Variants in WDR17 observed in about 807,000 individuals in gnomAD.
The protein encoded by WDR17 is WD repeat-containing protein 17.
In WDR17, 143 loss-of-function variants were observed where a neutral mutation model predicts 161.7. That is an observed-to-expected ratio of 0.88 (90% CI 0.77 to 1.02). The LOEUF is 1.02. Among genes scored for constraint, WDR17 ranks in the 50% least tolerant of loss-of-function variants. The pLI is 0.00. For synonymous variants in WDR17, 517 were observed against 515.6 expected (o/e 1.00, Z -0.04); for missense variants, 1,469 against 1,520.9 (o/e 0.97, Z 0.57).
rs1014735118 is a variant in WDR17 at position 176,156,888 on chromosome 4, C to T, written c.2525+745C>T. On this transcript the variant is annotated intron_variant, in intron 18 of 28. Transcript: ENST00000508596. ...CTTGTGGCTTTTTGACACGTCACTC[C>T]AGTCTCTCCTTTATCTGCACATGGC... Among the ~76,000 whole-genome samples the T allele has an allele frequency of 2.0e-5, 3 of 152,096 alleles. No homozygotes were observed. The East Asian group carries it at 5.8e-4, about 29-fold the overall frequency.
chr4:176,143,174 C>T lies in WDR17; in HGVS notation c.1529+1105C>T, dbSNP rs535546128. Among the ~76,000 whole-genome samples the T allele has an allele frequency of 2.8e-4, 42 of 152,328 alleles. 1 individual carries two copies. The highest frequency in any genetic ancestry group is 1.0e-3 in the African/African-American group (42 of 41,570). ...GATTACAGGCGTGAGCCACCACGCC[C>T]GGCCTTACACGCTGTTAAGGTTATA... On this transcript the variant is annotated intron_variant, in intron 11 of 28. Transcript: ENST00000508596.
intron 1 of WDR17, among the ~76,000 whole-genome samples, chr4:176,083,624 A>C (rs1308387492): frequency 6.6e-6 from 1 of 152,156 alleles, no homozygotes; most frequent in Admixed American, 6.5e-5. Flanking sequence ...ATACTTTATA[A>C]ATAGAAATAC....
Position 176,065,872 on chromosome 4 carries a change from C to T in WDR17, c.-214C>T, listed in dbSNP as rs1167062343. The T allele has an allele frequency of 1.3e-5, 2 of 152,178 alleles. No homozygotes were observed. Among genetic ancestry groups the T allele is most frequent in the Non-Finnish European group, 2.9e-5 (2 of 68,040 alleles). 9.4% of individuals were successfully genotyped at this position (152,178 alleles called of 1,614,324 possible). The stretch of plus-strand genomic sequence containing the variant: ...ACCCTGGAGATCGGGCTCGCGGCGC[C>T]TTCCATCGTGGCTCCGCGCTGGGGC... On this transcript the variant is annotated 5_prime_UTR_variant, in exon 1 of 29. Coordinates refer to ENST00000508596, the MANE Select transcript of WDR17 (RefSeq NM_181265.4).
chr4:176,168,747 A>C lies in WDR17; in HGVS notation c.3066A>C (p.Pro1022=). ...TAATAAAACTCTGTGCTTTCTACCCAGGATGTACTGAAGAGATAAATGACC... is the reference window on the plus strand; with the variant it reads ...TAATAAAACTCTGTGCTTTCTACCCCGGATGTACTGAAGAGATAAATGACC... ...LHLIKLCAFY[P]GCTEEINDLH... The change falls in exon 23 of 29, where the codon CCA becomes CCC. Residue 1022 remains proline, a synonymous_variant. Coordinates refer to ENST00000508596, the MANE Select transcript of WDR17 (RefSeq NM_181265.4). The C allele has an allele frequency of 1.2e-6, 2 of 1,613,266 alleles. No individual in the cohort carries two copies. Among genetic ancestry groups the C allele is most frequent in the Non-Finnish European group, 1.7e-6 (2 of 1,179,644 alleles).
intron 12 of WDR17, 130 bp from the exon 13 acceptor site, chr4:176,148,003 C>T (rs981495309): frequency 1.7e-6 from 1 of 606,054 alleles, no homozygotes; most frequent in Non-Finnish European, 2.6e-6. Context: ...TGAAGAGAAC[C>T]TTATATCTTG....
chr4:176,179,360 T>G, intron 28 of WDR17, 100 bp from the exon 29 acceptor site: 1 of 1,244,618 alleles, frequency 8.0e-7, no homozygotes, highest in Non-Finnish European at 1.0e-6. Flanking sequence ...TGCCTAAATA[T>G]TATGTTTTTT....
Position 176,160,250 on chromosome 4 carries a change from T to G in WDR17, c.2658+124T>G, listed in dbSNP as rs879039723. The G allele has an allele frequency of 5.5e-5, 60 of 1,095,500 alleles. No individual in the cohort carries two copies. The South Asian group carries it at 1.3e-3, about 24-fold the overall frequency. The allele number at this position is 1,095,500 out of a possible 1,614,324, so 67.9% of individuals were successfully genotyped here. ...GTCATAAAGGGCTTGGCTTCTGCCC[T>G]CCTCCCTGGCCTTCTTTCTCAACAT... On this transcript the variant is annotated intron_variant, in intron 19 of 28. Transcript: ENST00000508596.
At chr4:176,079,125 T>C (rs1734432573) in intron 1 of WDR17, among the ~76,000 whole-genome samples, 1 of 152,168 alleles carries the variant, frequency 6.6e-6, no homozygotes, top group African/African-American at 2.4e-5. Flanking sequence ...GAACATACAG[T>C]ATTTACCTTT....
intron 22 of WDR17, among the ~76,000 whole-genome samples, chr4:176,165,240 G>C (rs538556074): frequency 6.6e-6 from 1 of 152,060 alleles, no homozygotes; most frequent in East Asian, 1.9e-4. Context: ...ATGGTGGCAG[G>C]CACCTGTAAT....
At chr4:176,101,654 C>G (rs1044958407) in intron 1 of WDR17, among the ~76,000 whole-genome samples, 2 of 152,000 alleles carry the variant, frequency 1.3e-5, no homozygotes, top group Non-Finnish European at 2.9e-5. Context: ...AAAAAGACAG[C>G]CATGGTATCT....
At chr4:176,092,375 A>G (rs193158339) in intron 1 of WDR17, among the ~76,000 whole-genome samples, 10 of 152,336 alleles carry the variant, frequency 6.6e-5, no homozygotes, top group Admixed American at 6.5e-4. Context: ...CTGAAAAAGC[A>G]TTTAGAAAAT....
At chr4:176,087,743 T>C (rs1735598521) in intron 1 of WDR17, among the ~76,000 whole-genome samples, 1 of 152,194 alleles carries the variant, frequency 6.6e-6, no homozygotes, top group African/African-American at 2.4e-5. Flanking sequence ...AATAGTGACT[T>C]TTGGGATATC....
chr4:176,083,322 G>A (rs1196526229), intron 1 of WDR17, among the ~76,000 whole-genome samples: 3 of 152,022 alleles, frequency 2.0e-5, no homozygotes, highest in Non-Finnish European at 2.9e-5. Context: ...ATCATTCAGA[G>A]GCAATTCTTC....
chr4:176,077,095 G>A (rs577996350), intron 1 of WDR17, among the ~76,000 whole-genome samples: 1 of 150,568 alleles, frequency 6.6e-6, no homozygotes, highest in East Asian at 2.0e-4. Flanking sequence ...ATAATATATT[G>A]CTGAAGAGCT....
At chr4:176,076,214 AATATATATATATAT>A (rs1219401869) in intron 1 of WDR17, among the ~76,000 whole-genome samples, 107 of 62,268 alleles carry the variant, frequency 1.7e-3, no homozygotes, top group African/African-American at 4.3e-3. Flanking sequence ...TTACATATAT[AATATATATATATAT>A]ATATATATAT....
chr4:176,125,151 A>C lies in WDR17; in HGVS notation c.586A>C (p.Thr196Pro). ...HVLRPESLEG[T>P]DEEDPVTALE... ...TTTGAGACCAGAATCTCTTGAAGGGACAGATGAAGAGGATCCAGTTACGGC... is the reference window on the plus strand; with the variant it reads ...TTTGAGACCAGAATCTCTTGAAGGGCCAGATGAAGAGGATCCAGTTACGGC... Residue 196 changes from threonine (T) to proline (P), a missense_variant, in exon 5 of 29, where the codon ACA (threonine) becomes CCA (proline). Physicochemically the swap from Thr to Pro is conservative, Grantham distance 38. Transcript: ENST00000508596. 1 of 1,614,054 alleles carries C rather than the reference A, an allele frequency of 6.2e-7. No individual in the cohort carries two copies.
intron 1 of WDR17, among the ~76,000 whole-genome samples, chr4:176,094,963 A>G (rs1736632572): frequency 6.6e-6 from 1 of 152,160 alleles, no homozygotes; most frequent in Admixed American, 6.6e-5. Flanking sequence ...TAAAGGGCTG[A>G]GAGATCTAGA....
At chr4:176,089,274 C>T (rs1220201106) in intron 1 of WDR17, among the ~76,000 whole-genome samples, 1 of 152,198 alleles carries the variant, frequency 6.6e-6, no homozygotes, top group Non-Finnish European at 1.5e-5. Flanking sequence ...CTCCCCAAAA[C>T]TCTTTCACAA....
At chr4:176,099,916 A>G (rs1288272132) in intron 1 of WDR17, among the ~76,000 whole-genome samples, 1 of 152,150 alleles carries the variant, frequency 6.6e-6, no homozygotes, top group Non-Finnish European at 1.5e-5. Flanking sequence ...TGCAAAATAC[A>G]TGATTTTTAA....
Sources: gnomAD v4.1 joint callset for allele counts (sites outside exome capture counted in the v4.1 genomes callset) on GRCh38, gnomAD v4.1.1 for gene constraint, MANE v1.5 for transcripts, NCBI Gene and HGNC (gene_info 2026-07-23, HGNC 2026-07-21) for gene names.